The following EXTL3 variants were observed in gnomAD, a reference collection of about 807,000 sequenced individuals.
The protein encoded by EXTL3 is exostosin-like 3.
EXTL3 carries 27 observed loss-of-function variants against 69.3 expected under a neutral mutation model. That is an observed-to-expected ratio of 0.39 (90% CI 0.29 to 0.54). EXTL3 has a LOEUF of 0.54. EXTL3 is among the 20% of genes least tolerant of loss of function. The probability of loss-of-function intolerance (pLI) is 0.69; values close to 1 mark genes in which losing one functional copy is unlikely to be tolerated. For synonymous variants in EXTL3, 511 were observed against 499.4 expected (o/e 1.02, Z -0.31); for missense variants, 1,003 against 1,231.8 (o/e 0.81, Z 2.78).
At chr8:28,616,729 C>T (rs903024335) in intron 2 of EXTL3, among the ~76,000 whole-genome samples, 6 of 152,028 alleles carry the variant, frequency 3.9e-5, no homozygotes, top group African/African-American at 1.4e-4. Context: ...ATTCAGTTAA[C>T]AGGTGTGCGC....
At chr8:28,709,635 A>G (rs1291573305) in intron 1 of EXTL3, among the ~76,000 whole-genome samples, 1 of 152,232 alleles carries the variant, frequency 6.6e-6, no homozygotes, top group Non-Finnish European at 1.5e-5. Context: ...AGACCTAAAT[A>G]GAGACATATC....
chr8:28,724,616 A>G (rs111745729), intron 3 of EXTL3, among the ~76,000 whole-genome samples: 6 of 148,524 alleles, frequency 4.0e-5, no homozygotes, highest in South Asian at 2.1e-4. Context: ...AAAAAAAAAA[A>G]AAGAAGAAGA....
At chr8:28,684,441 A>AT (rs1020864837) in intron 1 of EXTL3, among the ~76,000 whole-genome samples, 3 of 152,010 alleles carry the variant, frequency 2.0e-5, no homozygotes, top group Non-Finnish European at 2.9e-5. Context: ...CTGTAAAAAT[A>AT]TTTTTTTATT....
intron 1 of EXTL3, among the ~76,000 whole-genome samples, chr8:28,673,404 TG>T (rs1807329780): frequency 2.0e-5 from 3 of 152,216 alleles, no homozygotes; most frequent in African/African-American, 7.2e-5. Context: ...ATCTGATCGA[TG>T]GAGGGCCTGA....
intron 1 of EXTL3, among the ~76,000 whole-genome samples, chr8:28,706,716 A>G (rs181300053): frequency 1.0e-3 from 155 of 152,318 alleles, no homozygotes; most frequent in African/African-American, 3.6e-3. Context: ...ACATATAAAC[A>G]TGTTTATCAC....
chr8:28,709,405 C>T (rs2130720020), intron 1 of EXTL3, among the ~76,000 whole-genome samples: 1 of 152,266 alleles, frequency 6.6e-6, no homozygotes, highest in African/African-American at 2.4e-5. Flanking sequence ...TCTAGCCTCT[C>T]TCTCTGTTTC....
chr8:28,717,470 C>G lies in EXTL3; in HGVS notation c.1411C>G (p.Pro471Ala), dbSNP rs886167663. 6.2e-7 allele frequency: 1 copy of G among 1,614,218 alleles called. No homozygotes were observed. The highest frequency in any genetic ancestry group is 1.3e-5 in the African/African-American group (1 of 75,054). The change falls in exon 3 of 7, where the codon CCC becomes GCC. Residue 471 changes from proline to alanine, a missense_variant. Physicochemically the swap from Pro to Ala is conservative, Grantham distance 27. Transcript: ENST00000220562. The surrounding 1 kb of genome is among the most constrained non-coding windows in gnomAD (Gnocchi z 8.3). Reference sequence around the variant, plus strand: ...GGTGCTGGGGGAGCAGGTCCAGCTTCCCTACCAGGACATGCTGCAGTGGAA... The same window carrying G: ...GGTGCTGGGGGAGCAGGTCCAGCTTGCCTACCAGGACATGCTGCAGTGGAA... ...PVVLGEQVQL[P>A]YQDMLQWNEA...
chr8:28,695,876 T>G (rs1800677627), intron 1 of EXTL3, among the ~76,000 whole-genome samples: 1 of 152,166 alleles, frequency 6.6e-6, no homozygotes, highest in African/African-American at 2.4e-5. Context: ...ATGGTGCTGA[T>G]GTTCAAGGGA....
At chr8:28,688,424 G>T (rs1240279395) in intron 1 of EXTL3, among the ~76,000 whole-genome samples, 1 of 152,148 alleles carries the variant, frequency 6.6e-6, no homozygotes, top group Non-Finnish European at 1.5e-5. Context: ...GTTAGTGAAG[G>T]CTTACTGTAT....
chr8:28,724,854 C>T (rs947467462), intron 3 of EXTL3, among the ~76,000 whole-genome samples: 5 of 151,966 alleles, frequency 3.3e-5, no homozygotes, highest in Non-Finnish European at 2.9e-5. Flanking sequence ...TTCTCTCTGT[C>T]GCTCACCTCC....
At chr8:28,724,987 A>T (rs1801382003) in intron 3 of EXTL3, among the ~76,000 whole-genome samples, 1 of 152,006 alleles carries the variant, frequency 6.6e-6, no homozygotes, top group African/African-American at 2.4e-5. Flanking sequence ...GAGTTCTCTG[A>T]TGGTTCCTCT....
chr8:28,636,281 G>A (rs1026153350), intron 1 of EXTL3, among the ~76,000 whole-genome samples: 8 of 149,716 alleles, frequency 5.3e-5, no homozygotes, highest in African/African-American at 2.0e-4. Flanking sequence ...GCAGTGAGCC[G>A]AGATCGCGCG....
rs1245361929 is a variant in EXTL3, at chr8:28,754,745, C to T, written c.*3879C>T. 7.0e-6 allele frequency: 1 copy of T among 143,110 alleles called. No individual in the cohort carries two copies. Among genetic ancestry groups the T allele is most frequent in the Non-Finnish European group, 1.5e-5 (1 of 65,512 alleles). The allele number at this position is 143,110 out of a possible 1,614,324, so 8.9% of individuals were successfully genotyped here. On this transcript the variant is annotated 3_prime_UTR_variant, in exon 7 of 7. Transcript: ENST00000220562. Reference sequence around the variant, plus strand: ...ATGGGATCATCACTGAAGTGGAAGGCTCCACAAGGTTTACAAAATGTGTTA... The same window carrying T: ...ATGGGATCATCACTGAAGTGGAAGGTTCCACAAGGTTTACAAAATGTGTTA...
intron 1 of EXTL3, among the ~76,000 whole-genome samples, chr8:28,643,250 C>CA (rs1054086097): frequency 8.6e-5 from 13 of 150,808 alleles, no homozygotes; most frequent in South Asian, 4.2e-4. Context: ...TCTCAAAAAA[C>CA]AAAAAAAAGA....
Position 28,626,661 on chromosome 8 carries a change from T to C in EXTL3, c.-53+3851T>C, listed in dbSNP as rs573399682. ...TCTTATAAAAACCCTGTAAGTTGAG[T>C]ATTATTAGCCCACTTCCCAGAAGCG... On this transcript the variant is annotated intron_variant, in intron 1 of 6. Coordinates refer to the EXTL3 transcript ENST00000523149. Among the ~76,000 whole-genome samples, 9 of 152,212 alleles carry C rather than the reference T, an allele frequency of 5.9e-5. No homozygotes were observed. In the South Asian group the frequency reaches 1.9e-3, roughly 32 times the overall value.
chr8:28,693,696 G>C (rs1326692106), intron 1 of EXTL3, among the ~76,000 whole-genome samples: 1 of 152,156 alleles, frequency 6.6e-6, no homozygotes, highest in Non-Finnish European at 1.5e-5. Context: ...ACTTTTAAAA[G>C]GTAACATCAA....
intron 6 of EXTL3, among the ~76,000 whole-genome samples, chr8:28,749,604 ATTGT>A (rs1196749412): frequency 6.6e-6 from 1 of 151,772 alleles, no homozygotes; most frequent in African/African-American, 2.4e-5. Context: ...TTGCTTTTTC[ATTGT>A]TTGGCCTCTG....
At chr8:28,718,337 C>T (rs1315248343) in intron 3 of EXTL3, 130 bp downstream of exon 3, 1 of 923,418 alleles carries the variant, frequency 1.1e-6, no homozygotes, top group Non-Finnish European at 1.7e-6. Context: ...TCATGAAAAA[C>T]CTGTATAGAT....
intron 3 of EXTL3, among the ~76,000 whole-genome samples, chr8:28,730,468 C>T (rs1194892892): frequency 1.3e-5 from 2 of 151,998 alleles, no homozygotes; most frequent in Admixed American, 1.3e-4. Context: ...GCTACTCACC[C>T]ACACTGTAGG....
Sources: gnomAD v4.1 joint callset for allele counts (sites outside exome capture counted in the v4.1 genomes callset) on GRCh38, gnomAD v4.1.1 for gene constraint, Gnocchi (gnomAD v3.1) non-coding constraint, MANE v1.5 for transcripts, NCBI Gene and HGNC (gene_info 2026-07-23, HGNC 2026-07-21) for gene names.